The following NOA1 variants were observed in gnomAD, a reference collection of about 807,000 sequenced individuals.
NOA1 encodes the protein nitric oxide-associated protein 1.
A neutral mutation model predicts 58.4 loss-of-function variants in NOA1; 35 were observed. That is an observed-to-expected ratio of 0.60 (90% CI 0.46 to 0.79). NOA1 has a LOEUF of 0.79. Among genes scored for constraint, NOA1 ranks in the 30% least tolerant of loss-of-function variants. NOA1 has a pLI of 0.00. For missense variants in NOA1, 895 were observed against 894.6 expected, an observed-to-expected ratio of 1.00 and a Z score of -0.01; for synonymous variants, 397 against 373.4, an observed-to-expected ratio of 1.06 and a Z score of -0.73.
Position 56,973,158 on chromosome 4 carries a change from T to G in NOA1, c.1505A>C (p.Lys502Thr). 6.2e-7 allele frequency: 1 copy of G among 1,614,014 alleles called. No homozygotes were observed. The highest frequency in any genetic ancestry group is 8.5e-7 in the Non-Finnish European group (1 of 1,179,898). ...AAACCAAATACATACACAATTTTCT[T>G]TTGTAATTCCAGGGGTGTCATAAAA... Reference protein sequence around the residue: ...HWFYDTPGITKENCILNLLTE... With the variant: ...HWFYDTPGITTENCILNLLTE... The change falls in exon 3 of 7, where the codon AAA becomes ACA. Residue 502 changes from lysine (K) to threonine (T), a missense_variant. Coordinates refer to ENST00000264230, the MANE Select transcript of NOA1 (RefSeq NM_032313.4).
In NOA1 at chr4:56,963,675, T is replaced by G; in HGVS notation, c.1886-14A>C. 6.2e-7 allele frequency: 1 copy of G among 1,603,126 alleles called. No individual in the cohort carries two copies. The highest frequency in any genetic ancestry group is 8.5e-7 in the Non-Finnish European group (1 of 1,170,320). ...CTGAAACCCAACCTATGCAGGCATG[T>G]GACACAACACAAAAGGCTGTTAGCA... On this transcript the variant is annotated splice_polypyrimidine_tract_variant and intron_variant, in intron 6 of 6. Transcript: ENST00000264230.
At chr4:56,969,522 A>T (rs1376145115) in intron 3 of NOA1, among the ~76,000 whole-genome samples, 1 of 152,186 alleles carries the variant, frequency 6.6e-6, no homozygotes, top group Non-Finnish European at 1.5e-5. Context: ...TGGTGAGCCG[A>T]GATTGCACCA....
chr4:56,973,606 G>C (rs915668772), intron 2 of NOA1, among the ~76,000 whole-genome samples: 1 of 152,102 alleles, frequency 6.6e-6, no homozygotes, highest in Admixed American at 6.6e-5. Flanking sequence ...TTAAAGAAAG[G>C]CTGAAAAGAT....
chr4:56,966,495 G>A, intron 5 of NOA1, 125 bp downstream of exon 5: 3 of 616,012 alleles, frequency 4.9e-6, no homozygotes, highest in Non-Finnish European at 8.5e-6. Context: ...AGAGAATGAG[G>A]TGAGGGAAAG....
intron 6 of NOA1, among the ~76,000 whole-genome samples, chr4:56,964,186 G>C (rs1261753410): frequency 3.3e-5 from 5 of 151,840 alleles, no homozygotes; most frequent in African/African-American, 1.2e-4. Flanking sequence ...TCCTGCCTCA[G>C]CCTCCCGAGT....
rs61747378 is a variant in NOA1 at position 56,963,483 on chromosome 4, G to A, written c.2064C>T (p.Asn688=). The A allele has an allele frequency of 1.3e-3, 2,081 of 1,613,964 alleles. 26 individuals are homozygous for A. In the African/African-American group the frequency reaches 0.022, roughly 17 times the overall value. The change falls in exon 7 of 7, where the codon AAC becomes AAT. Residue 688 remains asparagine, a synonymous_variant. Coordinates refer to ENST00000264230, the MANE Select transcript of NOA1 (RefSeq NM_032313.4). ...KTKKPPSLMY[N]VRKKKGKINV ...TTATCTTTCCTTTCTTCTTCCTCAC[G>A]TTGTACATAAGGGAAGGAGGCTTCT...
rs1721923841 is a variant in NOA1 at position 56,976,460 on chromosome 4, T to C, written c.1126A>G (p.Thr376Ala). 6.2e-7 allele frequency: 1 copy of C among 1,613,270 alleles called. No homozygotes were observed. Among genetic ancestry groups the C allele is most frequent in the East Asian group, 2.2e-5 (1 of 44,864 alleles). ...AKGSEAIDRA[T>A]ISPWPGTTLN... is the part of the protein sequence containing the mutation. ...AACTCACCTGGCCAAGGGGAGATGGTGGCTCTGTCGATGGCCTCGGAGCCC... is the reference window on the plus strand; with the variant it reads ...AACTCACCTGGCCAAGGGGAGATGGCGGCTCTGTCGATGGCCTCGGAGCCC... Residue 376 changes from threonine (T) to alanine (A), a missense_variant, in exon 1 of 7, where the codon ACC (threonine) becomes GCC (alanine). Physicochemically the swap from Thr to Ala is moderately conservative, Grantham distance 58 (BLOSUM62 0). This residue lies in a region of NOA1 where 680 missense variants were observed against 656.5 expected (regional missense o/e 1.04). Transcript: ENST00000264230.
chr4:56,966,614 C>G lies in NOA1; in HGVS notation c.1764+6G>C, dbSNP rs767530139. ...ATAACCATGCAATCAAGGCATGTTG[C>G]CTTACCTGGAGTAACGTATGACCTG... On this transcript the variant is annotated splice_donor_region_variant and intron_variant, in intron 5 of 6. Coordinates refer to ENST00000264230, the MANE Select transcript of NOA1 (RefSeq NM_032313.4). 1 of 1,563,358 alleles carries G rather than the reference C, an allele frequency of 6.4e-7. No individual in the cohort carries two copies. Among genetic ancestry groups the G allele is most frequent in the Non-Finnish European group, 8.8e-7 (1 of 1,134,398 alleles).
Position 56,976,680 on chromosome 4 carries a change from C to T in NOA1, c.906G>A (p.Pro302=). Residue 302 remains proline (P), a synonymous_variant, in exon 1 of 7, where the codon CCG becomes CCA. Coordinates refer to ENST00000264230, the MANE Select transcript of NOA1 (RefSeq NM_032313.4). ...DEPQDGENPN[P]PNWSRTVVRD... is the part of the protein sequence containing the mutation. The stretch of plus-strand genomic sequence containing the variant: ...TGACCACTGTGCGGGACCAGTTCGG[C>T]GGATTCGGATTCTCCCCGTCCTGTG... 1 of 1,613,596 alleles carries T rather than the reference C, an allele frequency of 6.2e-7. No individual in the cohort carries two copies. The highest frequency in any genetic ancestry group is 8.5e-7 in the Non-Finnish European group (1 of 1,179,588).
In NOA1 at chr4:56,976,434, A is replaced by T. The variant is rs1056420987; in HGVS notation, c.1144+8T>A. The T allele has an allele frequency of 1.2e-6, 2 of 1,609,682 alleles. No individual in the cohort carries two copies. Among genetic ancestry groups the T allele is most frequent in the Non-Finnish European group, 1.7e-6 (2 of 1,176,688 alleles). On this transcript the variant is annotated splice_region_variant and intron_variant, in intron 1 of 6. Transcript: ENST00000264230. ...GGAAACGAAGAGGGCGAGCCTCCTAAAACTCACCTGGCCAAGGGGAGATGG... is the reference window on the plus strand; with the variant it reads ...GGAAACGAAGAGGGCGAGCCTCCTATAACTCACCTGGCCAAGGGGAGATGG...
Position 56,977,534 on chromosome 4 carries a change from A to T in NOA1, c.52T>A (p.Ser18Thr). 1 of 1,612,284 alleles carries T rather than the reference A, an allele frequency of 6.2e-7. No homozygotes were observed. The highest frequency in any genetic ancestry group is 8.5e-7 in the Non-Finnish European group (1 of 1,179,452). The stretch of plus-strand genomic sequence containing the variant: ...CCATGGCGCGCTGCCGTGGGAGCGG[A>T]TCCACGAAGGAAAAGGCTCAGCAGC... ...FRLLSLFLRG[S>T]APTAARHGLR... Residue 18 changes from serine (S) to threonine (T), a missense_variant, in exon 1 of 7, where the codon TCC becomes ACC. Physicochemically the swap from Ser to Thr is moderately conservative, Grantham distance 58. Coordinates refer to ENST00000264230, the MANE Select transcript of NOA1 (RefSeq NM_032313.4).
rs551786843 is a variant in NOA1, at chr4:56,967,238, G to C, written c.1648-502C>G. Among the ~76,000 whole-genome samples, 3 of 151,898 alleles carry C rather than the reference G, an allele frequency of 2.0e-5. No individual in the cohort carries two copies. In the South Asian group the frequency reaches 6.2e-4, roughly 32 times the overall value. ...CTATAAAAAATACAAAAATTAGCTG[G>C]GTGTGGTGATGTGTGCCTGTAGTCC... On this transcript the variant is annotated intron_variant, in intron 4 of 6. Coordinates refer to ENST00000264230, the MANE Select transcript of NOA1 (RefSeq NM_032313.4).
intron 2 of NOA1, 111 bp downstream of exon 2, chr4:56,973,747 G>A: frequency 9.9e-7 from 1 of 1,009,862 alleles, no homozygotes; most frequent in East Asian, 2.4e-5. Context: ...GAATAAGGAA[G>A]GCAGTCTCTC....
At chr4:56,974,151 G>A (rs2109620204) in intron 1 of NOA1, 129 bp from the exon 2 acceptor site, 2 of 680,228 alleles carry the variant, frequency 2.9e-6, no homozygotes, top group South Asian at 4.3e-5. Flanking sequence ...TACAAATGAG[G>A]AAATAGGTTA....
chr4:56,976,102 G>A (rs1445794938), intron 1 of NOA1, among the ~76,000 whole-genome samples: 2 of 152,162 alleles, frequency 1.3e-5, no homozygotes, highest in Non-Finnish European at 2.9e-5. Context: ...CAGTAAAAAG[G>A]ACGCACACTT....
chr4:56,966,476 A>C, intron 5 of NOA1, 144 bp downstream of exon 5: 1 of 586,084 alleles, frequency 1.7e-6, no homozygotes, highest in Non-Finnish European at 3.0e-6. Context: ...TTATAGCCAG[A>C]ATTCTCAAAG....
chr4:56,964,942 T>C (rs1473112810), intron 5 of NOA1, among the ~76,000 whole-genome samples: 1 of 152,166 alleles, frequency 6.6e-6, no homozygotes, highest in East Asian at 1.9e-4. Flanking sequence ...GGTCCATATA[T>C]AATGGATAAG....
chr4:56,964,391 T>C lies in NOA1; in HGVS notation c.1885+15A>G. On this transcript the variant is annotated intron_variant, in intron 6 of 6. Transcript: ENST00000264230. ...CTTTTATTCACTTTTTAAAAAGTGC[T>C]TGGCATAAAATTACCTGCAGAGGAA... 6.2e-7 allele frequency: 1 copy of C among 1,613,918 alleles called. No homozygotes were observed. Among genetic ancestry groups the C allele is most frequent in the Non-Finnish European group, 8.5e-7 (1 of 1,179,918 alleles).
At chr4:56,968,955 A>G (rs547687602) in intron 3 of NOA1, among the ~76,000 whole-genome samples, 2 of 152,344 alleles carry the variant, frequency 1.3e-5, no homozygotes, top group African/African-American at 4.8e-5. Context: ...TAAATGCAAA[A>G]TGGTCACCCC....
Sources: allele counts gnomAD v4.1 joint callset (sites outside exome capture counted in the v4.1 genomes callset), GRCh38; gene constraint gnomAD v4.1.1; regional missense constraint gnomAD v4.1.1; transcripts MANE v1.5; gene names NCBI Gene and HGNC (gene_info 2026-07-23, HGNC 2026-07-21).